The following ROBO1 variants were observed in gnomAD, a reference collection of about 807,000 sequenced individuals.
The protein encoded by ROBO1 is roundabout guidance receptor 1, also known as roundabout homolog 1.
ROBO1 carries 149 observed loss-of-function variants against 195.9 expected under a neutral mutation model. The ratio of observed to expected loss-of-function variants is 0.76; its 90% CI spans 0.67 to 0.87. The LOEUF is 0.87. Among genes scored for constraint, ROBO1 ranks in the 40% least tolerant of loss-of-function variants. ROBO1 has a pLI of 0.00. For synonymous variants in ROBO1, 816 were observed against 733.2 expected (o/e 1.11, Z -1.82); for missense variants, 1,933 against 2,068.3 (o/e 0.93, Z 1.27).
At chr3:79,729,200 T>C (rs2107342902) in intron 1 of ROBO1, among the ~76,000 whole-genome samples, 1 of 152,300 alleles carries the variant, frequency 6.6e-6, no homozygotes, top group South Asian at 2.1e-4. Flanking sequence ...AATTTTAGCC[T>C]TTTGCTTTTT....
chr3:79,307,332 A>G (rs1201206493), intron 2 of ROBO1, among the ~76,000 whole-genome samples: 4 of 152,112 alleles, frequency 2.6e-5, no homozygotes, highest in Non-Finnish European at 5.9e-5. Context: ...TATGCATTTC[A>G]GAAAGAAAAA....
intron 3 of ROBO1, among the ~76,000 whole-genome samples, chr3:79,013,925 G>A (rs2077853037): frequency 6.6e-6 from 1 of 151,860 alleles, no homozygotes; most frequent in African/African-American, 2.4e-5. Context: ...CACTTTACTG[G>A]TCTCCTTTAA....
chr3:79,751,629 C>A (rs1289253143), intron 1 of ROBO1, among the ~76,000 whole-genome samples: 1 of 152,062 alleles, frequency 6.6e-6, no homozygotes, highest in African/African-American at 2.4e-5. Context: ...AAGATCATTT[C>A]TTTTTCACTA....
At chr3:79,570,915 C>CT (rs901838217) in intron 2 of ROBO1, among the ~76,000 whole-genome samples, 1 of 152,058 alleles carries the variant, frequency 6.6e-6, no homozygotes, top group Non-Finnish European at 1.5e-5. Context: ...TGGAGCAGGA[C>CT]TATTTGAGTG....
chr3:78,735,812 A>G (rs2082379766), intron 5 of ROBO1, among the ~76,000 whole-genome samples: 1 of 152,232 alleles, frequency 6.6e-6, no homozygotes, highest in Non-Finnish European at 1.5e-5. Context: ...GTGTCATTTT[A>G]GATGGGTTGA....
intron 3 of ROBO1, among the ~76,000 whole-genome samples, chr3:79,118,066 T>C (rs1443936832): frequency 6.6e-6 from 1 of 152,206 alleles, no homozygotes; most frequent in Non-Finnish European, 1.5e-5. Flanking sequence ...TGGCTTGTGC[T>C]CACTGGAAGG....
At chr3:78,766,857 C>T (rs1249119834) in intron 4 of ROBO1, among the ~76,000 whole-genome samples, 4 of 152,124 alleles carry the variant, frequency 2.6e-5, no homozygotes, top group Non-Finnish European at 5.9e-5. Context: ...GATGCTTTTT[C>T]TGCATCTATT....
intron 4 of ROBO1, among the ~76,000 whole-genome samples, chr3:78,903,783 T>C (rs2037729686): frequency 6.6e-6 from 1 of 152,170 alleles, no homozygotes; most frequent in Non-Finnish European, 1.5e-5. Flanking sequence ...CATTCTTTTC[T>C]ATATGTTTGC....
At chr3:79,062,170 A>G (rs2078930815) in intron 3 of ROBO1, among the ~76,000 whole-genome samples, 1 of 152,020 alleles carries the variant, frequency 6.6e-6, no homozygotes, top group Admixed American at 6.6e-5. Context: ...AAACAAACCC[A>G]TCAAAAAGTG....
chr3:78,979,848 C>T (rs547437271), intron 3 of ROBO1, among the ~76,000 whole-genome samples: 1 of 151,910 alleles, frequency 6.6e-6, no homozygotes, highest in Non-Finnish European at 1.5e-5. Context: ...CACACGAGAT[C>T]TACTTGGGCT....
chr3:78,757,265 T>C (rs192079589), intron 4 of ROBO1, among the ~76,000 whole-genome samples: 17 of 152,298 alleles, frequency 1.1e-4, no homozygotes, highest in Admixed American at 3.9e-4. Context: ...TGAGGACACA[T>C]AGGTGATGCA....
At chr3:79,436,876 C>T (rs1381149977) in intron 2 of ROBO1, among the ~76,000 whole-genome samples, 1 of 151,962 alleles carries the variant, frequency 6.6e-6, no homozygotes, top group Non-Finnish European at 1.5e-5. Flanking sequence ...AAAAATTCAT[C>T]CCACGCCCCT....
chr3:78,973,639 G>T (rs898672966), intron 3 of ROBO1, among the ~76,000 whole-genome samples: 7 of 145,480 alleles, frequency 4.8e-5, no homozygotes, highest in Non-Finnish European at 9.0e-5. Flanking sequence ...AAACTTTTTT[G>T]CAATCACCAC....
rs891406295 is a variant in ROBO1 at position 78,686,322 on chromosome 3, C to G, written c.1171-405G>C. Among the ~76,000 whole-genome samples, 3 of 151,884 alleles carry G rather than the reference C, an allele frequency of 2.0e-5. No homozygotes were observed. The East Asian group carries it at 5.8e-4, about 29-fold the overall frequency. ...CTGTCATCCCAGTGCTTTGGGAGGCCGAGGCAGGCGGATCACGAGGTCAGG... is the reference window on the plus strand; with the variant it reads ...CTGTCATCCCAGTGCTTTGGGAGGCGGAGGCAGGCGGATCACGAGGTCAGG... On this transcript the variant is annotated intron_variant, in intron 9 of 30. Coordinates refer to ENST00000464233, the MANE Select transcript of ROBO1 (RefSeq NM_002941.4).
chr3:78,993,081 C>G (rs2077275609), intron 3 of ROBO1, among the ~76,000 whole-genome samples: 1 of 152,162 alleles, frequency 6.6e-6, no homozygotes, highest in African/African-American at 2.4e-5. Flanking sequence ...TTTATAGAAT[C>G]TAACTCAATT....
intron 2 of ROBO1, among the ~76,000 whole-genome samples, chr3:79,442,228 T>G (rs941676829): frequency 2.0e-5 from 3 of 152,154 alleles, no homozygotes; most frequent in Non-Finnish European, 4.4e-5. Context: ...TTTTTTCCCC[T>G]GAATTGTGTT....
At chr3:79,124,096 T>C (rs2080170378) in intron 3 of ROBO1, among the ~76,000 whole-genome samples, 1 of 152,082 alleles carries the variant, frequency 6.6e-6, no homozygotes. Flanking sequence ...CTTGGATTCC[T>C]CCTTTCACAA....
intron 4 of ROBO1, among the ~76,000 whole-genome samples, chr3:78,911,863 A>G (rs971862264): frequency 2.0e-5 from 3 of 152,052 alleles, no homozygotes; most frequent in Non-Finnish European, 4.4e-5. Flanking sequence ...ATTAAACACC[A>G]CTTCCCAAGG....
chr3:78,939,208 A>G (rs1389768257), intron 3 of ROBO1, among the ~76,000 whole-genome samples: 3 of 152,030 alleles, frequency 2.0e-5, no homozygotes, highest in African/African-American at 7.2e-5. Flanking sequence ...AACCCATTAC[A>G]TTGTGTGTTT....
Sources: allele counts gnomAD v4.1 joint callset (sites outside exome capture counted in the v4.1 genomes callset), GRCh38; gene constraint gnomAD v4.1.1; transcripts MANE v1.5; gene names NCBI Gene and HGNC (gene_info 2026-07-23, HGNC 2026-07-21).